UACA: variants seen among roughly 807,000 people sequenced by gnomAD.
UACA encodes the protein nuclear membrane binding protein.
UACA carries 112 observed loss-of-function variants against 160.5 expected under a neutral mutation model. That is an observed-to-expected ratio of 0.70 (90% CI 0.60 to 0.82). The LOEUF is 0.82. Among genes scored for constraint, UACA ranks in the 40% least tolerant of loss-of-function variants. UACA has a pLI of 0.00. For synonymous variants in UACA, 557 were observed against 568.4 expected (o/e 0.98, Z 0.29); for missense variants, 1,574 against 1,614.6 (o/e 0.97, Z 0.43).
At chr15:70,702,136 G>T in intron 1 of UACA, 2 of 1,293,926 alleles carry the variant, frequency 1.5e-6, no homozygotes, top group Non-Finnish European at 2.0e-6. Context: ...TTGCAATGCA[G>T]AACTTGATTA....
chr15:70,750,230 C>T (rs2029960095), intron 1 of UACA, among the ~76,000 whole-genome samples: 1 of 152,170 alleles, frequency 6.6e-6, no homozygotes, highest in Non-Finnish European at 1.5e-5. Context: ...CCTCTCAAAT[C>T]CATCCTCAAC....
intron 1 of UACA, among the ~76,000 whole-genome samples, chr15:70,755,545 C>T (rs1174760377): frequency 6.6e-6 from 1 of 151,952 alleles, no homozygotes; most frequent in Non-Finnish European, 1.5e-5. Flanking sequence ...TGACAGGAGC[C>T]TGTAGTACCA....
At chr15:70,690,378 T>C in intron 5 of UACA, 76 bp downstream of exon 5, 2 of 1,271,618 alleles carry the variant, frequency 1.6e-6, no homozygotes, top group Non-Finnish European at 2.3e-6. Context: ...AATATCTATG[T>C]GTTAAAACCC....
chr15:70,706,491 T>G (rs1201746213), intron 1 of UACA, among the ~76,000 whole-genome samples: 1 of 149,910 alleles, frequency 6.7e-6, no homozygotes, highest in Non-Finnish European at 1.5e-5. Context: ...AAATCATCTC[T>G]GTTCTCAAAT....
chr15:70,740,665 A>G (rs1215731908), intron 1 of UACA, among the ~76,000 whole-genome samples: 1 of 148,208 alleles, frequency 6.7e-6, no homozygotes, highest in Non-Finnish European at 1.5e-5. Flanking sequence ...AAAGCCCTTC[A>G]TTATGGAGTT....
chr15:70,688,739 C>T (rs1028323219), intron 5 of UACA, among the ~76,000 whole-genome samples: 11 of 151,548 alleles, frequency 7.3e-5, no homozygotes, highest in East Asian at 1.9e-4. Flanking sequence ...CATGAAGAAC[C>T]GCTTAAAGCC....
intron 1 of UACA, among the ~76,000 whole-genome samples, chr15:70,752,615 G>A (rs1048791526): frequency 2.6e-5 from 4 of 151,664 alleles, no homozygotes; most frequent in African/African-American, 9.7e-5. Flanking sequence ...AATCTGGTAA[G>A]AAGAAAATTA....
At chr15:70,763,609 CGG>C, upstream of UACA, 1 of 1,140,552 alleles carries the variant, frequency 8.8e-7, no homozygotes, top group Non-Finnish European at 1.1e-6. Flanking sequence ...GCTGCCCTGG[CGG>C]GGGCGTGGCA....
chr15:70,669,645 G>A (rs923361352), intron 15 of UACA, among the ~76,000 whole-genome samples, 183 bp from the exon 16 acceptor site: 3 of 152,150 alleles, frequency 2.0e-5, no homozygotes, highest in Non-Finnish European at 2.9e-5. Context: ...TTCTGGATAT[G>A]ATTTCCTTAA....
chr15:70,664,332 C>A (rs763420526), intron 17 of UACA, among the ~76,000 whole-genome samples: 1 of 152,120 alleles, frequency 6.6e-6, no homozygotes, highest in African/African-American at 2.4e-5. Context: ...CAGGTTTATA[C>A]CCCAGCTGAA....
chr15:70,664,935 G>A, intron 16 of UACA, 121 bp from the exon 17 acceptor site: 1 of 833,714 alleles, frequency 1.2e-6, no homozygotes, highest in Admixed American at 3.3e-5. Context: ...AGAAAATTGA[G>A]GTATGAATAT....
At chr15:70,718,467 T>C (rs1196354798) in intron 1 of UACA, among the ~76,000 whole-genome samples, 9 of 151,474 alleles carry the variant, frequency 5.9e-5, no homozygotes, top group Admixed American at 4.6e-4. Flanking sequence ...ACAATGCATG[T>C]TACCAAAAGC....
At chr15:70,759,738 G>A (rs765530297) in intron 1 of UACA, among the ~76,000 whole-genome samples, 90 of 152,296 alleles carry the variant, frequency 5.9e-4, no homozygotes, top group African/African-American at 2.1e-3. Context: ...CTCCAGATTT[G>A]CTAGTAAAGG....
chr15:70,751,828 T>C (rs1434107696), intron 1 of UACA, among the ~76,000 whole-genome samples: 2 of 152,174 alleles, frequency 1.3e-5, no homozygotes, highest in Non-Finnish European at 1.5e-5. Context: ...TACCTACTTA[T>C]ACATGGCCAT....
At chr15:70,688,893 T>C (rs1256013192) in intron 5 of UACA, among the ~76,000 whole-genome samples, 1 of 152,186 alleles carries the variant, frequency 6.6e-6, no homozygotes, top group African/African-American at 2.4e-5. Context: ...AGTTGAACTG[T>C]AGCAGAAAAT....
intron 1 of UACA, among the ~76,000 whole-genome samples, chr15:70,756,175 T>C (rs549701643): frequency 1.4e-5 from 2 of 138,478 alleles, no homozygotes; most frequent in East Asian, 4.0e-4. Context: ...CAGCCGCAAT[T>C]TTTTTTTTTT....
chr15:70,736,879 T>C (rs565514085), intron 1 of UACA, among the ~76,000 whole-genome samples: 1 of 152,370 alleles, frequency 6.6e-6, no homozygotes, highest in African/African-American at 2.4e-5. Flanking sequence ...TGCTTATACT[T>C]GTAAGCTCTT....
chr15:70,692,930 A>T (rs1204484524), intron 3 of UACA, among the ~76,000 whole-genome samples: 1 of 152,156 alleles, frequency 6.6e-6, no homozygotes, highest in Non-Finnish European at 1.5e-5. Context: ...AACAAAACAT[A>T]GTGAGTCCAG....
intron 5 of UACA, among the ~76,000 whole-genome samples, 182 bp downstream of exon 5, chr15:70,690,272 C>G (rs1044910239): frequency 6.6e-6 from 1 of 152,070 alleles, no homozygotes; most frequent in African/African-American, 2.4e-5. Flanking sequence ...CCTGTAAATA[C>G]TGACTGAATG....
Sources: allele counts gnomAD v4.1 joint callset (sites outside exome capture counted in the v4.1 genomes callset), GRCh38; gene constraint gnomAD v4.1.1; transcripts MANE v1.5; gene names NCBI Gene and HGNC (gene_info 2026-07-23, HGNC 2026-07-21).